GRIK5: variants seen among roughly 807,000 people sequenced by gnomAD.
The protein encoded by GRIK5 is glutamate ionotropic receptor kainate type subunit 5, also known as glutamate receptor ionotropic, kainate 5.
A neutral mutation model predicts 97.4 loss-of-function variants in GRIK5; 43 were observed. The observed-to-expected ratio is 0.44, with a 90% CI of 0.35 to 0.57. The LOEUF (loss-of-function observed/expected upper bound fraction) is 0.57. Ranked by LOEUF, GRIK5 falls within the 20% of genes least tolerant of loss-of-function variation. The pLI, the probability that GRIK5 is intolerant of heterozygous loss-of-function variation, is 0.01. For missense variants in GRIK5, 1,015 were observed against 1,382.0 expected, an observed-to-expected ratio of 0.73 and a Z score of 4.21; for synonymous variants, 580 against 583.5, an observed-to-expected ratio of 0.99 and a Z score of 0.09.
chr19:42,043,568 G>A (rs1276092806), intron 11 of GRIK5, among the ~76,000 whole-genome samples: 3 of 151,698 alleles, frequency 2.0e-5, no homozygotes, highest in Non-Finnish European at 2.9e-5. Flanking sequence ...CACCACGCCC[G>A]CCCAATTTTG....
rs2146200375 is a variant in GRIK5 at position 42,069,058 on chromosome 19, T to C, written c.-51+183A>G. 3 of 460,306 alleles carry C rather than the reference T, an allele frequency of 6.5e-6. No individual in the cohort carries two copies. In the South Asian group the frequency reaches 1.2e-4, roughly 18 times the overall value. The allele number at this position is 460,306 out of a possible 1,614,324, so 28.5% of individuals were successfully genotyped here. ...TGAGCTATGTACCCAGAAGAAGAGG[T>C]GAGAAGAGGTCGAGGTGAATGGACG... On this transcript the variant is annotated intron_variant, in intron 1 of 19. Transcript: ENST00000593562.
chr19:42,012,478 T>C (rs1264263653), intron 15 of GRIK5, among the ~76,000 whole-genome samples: 2 of 152,144 alleles, frequency 1.3e-5, no homozygotes, highest in Non-Finnish European at 2.9e-5. Context: ...CTAGAACCCC[T>C]GAGCTCAGGC....
At chr19:42,053,537 A>T in intron 11 of GRIK5, 65 bp downstream of exon 11, 5 of 954,470 alleles carry the variant, frequency 5.2e-6, no homozygotes, top group South Asian at 1.3e-5. Flanking sequence ...CCTCCACCTC[A>T]CGGTGGGAGC....
At chr19:42,063,292 T>G (rs2076285715) in intron 3 of GRIK5, 1 of 458,508 alleles carries the variant, frequency 2.2e-6, no homozygotes, top group Non-Finnish European at 4.4e-6. Context: ...ACTCTCCCAC[T>G]GCACTTACTT....
chr19:42,066,594 G>A (rs1008314659), intron 1 of GRIK5, among the ~76,000 whole-genome samples: 1 of 151,882 alleles, frequency 6.6e-6, no homozygotes, highest in Non-Finnish European at 1.5e-5. Context: ...AGAAATACAA[G>A]GGAAGAGAAA....
In GRIK5 at chr19:42,058,265, C is replaced by T. The variant is rs182482932; in HGVS notation, c.687+1084G>A. ...GTGCAATCTCAGCTCACTGCAAGCT[C>T]CACCTCCCGGGTTCAAGTGATTCTC... On this transcript the variant is annotated intron_variant, in intron 6 of 19. Transcript: ENST00000593562. Among the ~76,000 whole-genome samples the T allele has an allele frequency of 3.9e-3, 594 of 152,140 alleles. 1 individual carries two copies. The highest frequency in any genetic ancestry group is 6.2e-3 in the Non-Finnish European group (421 of 67,994).
intron 15 of GRIK5, among the ~76,000 whole-genome samples, chr19:42,007,255 C>T (rs1023559250): frequency 2.6e-5 from 4 of 151,982 alleles, no homozygotes; most frequent in East Asian, 1.9e-4. Context: ...CCATCACGCC[C>T]GGCTAATTTT....
intron 15 of GRIK5, among the ~76,000 whole-genome samples, chr19:42,016,351 G>A (rs975525058): frequency 6.6e-6 from 1 of 152,214 alleles, no homozygotes; most frequent in Non-Finnish European, 1.5e-5. Flanking sequence ...AACCCGGAAG[G>A]TGGAGGTTGC....
rs1222425405 is a variant in GRIK5, at chr19:42,003,782, C to T, written c.2264-99G>A. Reference sequence around the variant, plus strand: ...CCCTCACCACGGCCTTCCCCCGCCTCTACCACGTGCCCAGGGTCTTCCCTG... The same window carrying T: ...CCCTCACCACGGCCTTCCCCCGCCTTTACCACGTGCCCAGGGTCTTCCCTG... On this transcript the variant is annotated intron_variant, in intron 17 of 19. Coordinates refer to ENST00000593562, the MANE Select transcript of GRIK5 (RefSeq NM_002088.5). This position sits in a 1 kb window ranked among gnomAD's most constrained non-coding sequence, Gnocchi z 4.2. 1.5e-6 allele frequency: 2 copies of T among 1,326,360 alleles called. No homozygotes were observed. Among genetic ancestry groups the T allele is most frequent in the Admixed American group, 2.8e-5 (1 of 35,628 alleles). The allele number at this position is 1,326,360 out of a possible 1,614,324, so 82.2% of individuals were successfully genotyped here. A position where few individuals can be genotyped will look rare whatever the true frequency, so the allele number is the denominator to read the frequency against.
In GRIK5 at chr19:42,064,510, C is replaced by T. The variant is rs564175762; in HGVS notation, c.244+713G>A. 4.6e-5 allele frequency among the ~76,000 whole-genome samples: 7 copies of T among 152,218 alleles called. No individual in the cohort carries two copies. The South Asian group carries it at 6.2e-4, about 14-fold the overall frequency. On this transcript the variant is annotated intron_variant, in intron 3 of 19. Coordinates refer to ENST00000593562, the MANE Select transcript of GRIK5 (RefSeq NM_002088.5). ...AGACTCTAGGCACATGACTGGAATG[C>T]CATCTGCCTCCTCACCCTCCATCCC...
At chr19:42,054,556 C>T in intron 8 of GRIK5, 84 bp from the exon 9 acceptor site, 1 of 1,478,106 alleles carries the variant, frequency 6.8e-7, no homozygotes, top group Non-Finnish European at 9.2e-7. Context: ...CTGCCACCCT[C>T]AAACCCTCAA....
chr19:42,068,041 G>A (rs1379967488), intron 1 of GRIK5, among the ~76,000 whole-genome samples: 2 of 152,238 alleles, frequency 1.3e-5, no homozygotes, highest in Non-Finnish European at 2.9e-5. Flanking sequence ...CAAGACTTGG[G>A]AGAAGGAAAG....
rs1178315429 is a variant in GRIK5 at position 42,061,237 on chromosome 19, C to T, written c.508+1251G>A. Among the ~76,000 whole-genome samples the T allele has an allele frequency of 3.9e-5, 6 of 152,304 alleles. No homozygotes were observed. In the South Asian group the frequency reaches 1.0e-3, roughly 26 times the overall value. ...TAACTTTTTGTATTTTTAGTAGAGA[C>T]GGGGTTTCACCATTCACAGGATGGT... On this transcript the variant is annotated intron_variant, in intron 5 of 19. Coordinates refer to ENST00000593562, the MANE Select transcript of GRIK5 (RefSeq NM_002088.5).
chr19:42,013,134 G>T (rs961133964), intron 15 of GRIK5, among the ~76,000 whole-genome samples: 1 of 150,816 alleles, frequency 6.6e-6, no homozygotes. Context: ...CAGGAAGATC[G>T]CTTGAGGCCA....
At position 42,003,305 on chromosome 19, in the gene GRIK5, G is replaced by GGCCCCCCC; in HGVS notation, c.2514+26_2514+27insGGGGGGGC. 407 of 1,540,430 alleles carry GGCCCCCCC rather than the reference G, an allele frequency of 2.6e-4. No individual in the cohort carries two copies. Among genetic ancestry groups the GGCCCCCCC allele is most frequent in the Non-Finnish European group, 3.4e-4 (376 of 1,117,920 alleles). Reference sequence around the variant, plus strand: ...TCAGCCCCTGGGGGTCCCTGTTCCTGCCCACCCCCACCCCCAGCCTCCTCA... The same window carrying GGCCCCCCC: ...TCAGCCCCTGGGGGTCCCTGTTCCTGGCCCCCCCCCCACCCCCACCCCCAGCCTCCTCA... On this transcript the variant is annotated intron_variant, in intron 19 of 19. Transcript: ENST00000593562. This position sits in a 1 kb window ranked among gnomAD's most constrained non-coding sequence, Gnocchi z 4.2.
chr19:42,069,915 G>A lies in GRIK5; in HGVS notation c.-725C>T, dbSNP rs762215286. ...CTGGGAGACCCGGAGAGGCCAAGAA[G>A]GGGGCAAATGAGGTGGAGAGATAGG... On this transcript the variant is annotated 5_prime_UTR_variant, in exon 1 of 20. Transcript: ENST00000593562. Among the ~76,000 whole-genome samples, 110 of 152,256 alleles carry A rather than the reference G, an allele frequency of 7.2e-4. No individual in the cohort carries two copies. Among genetic ancestry groups the A allele is most frequent in the Non-Finnish European group, 1.1e-3 (76 of 67,986 alleles).
chr19:42,035,101 C>G (rs1294659741), intron 12 of GRIK5, among the ~76,000 whole-genome samples: 2 of 152,148 alleles, frequency 1.3e-5, no homozygotes, highest in Non-Finnish European at 2.9e-5. Context: ...GCCTCAGCCC[C>G]CTGAGTAGCT....
At chr19:42,061,557 A>G (rs1193587646) in intron 5 of GRIK5, among the ~76,000 whole-genome samples, 1 of 152,178 alleles carries the variant, frequency 6.6e-6, no homozygotes, top group East Asian at 1.9e-4. Context: ...CTCCATACCC[A>G]CAAATCCACC....
chr19:42,010,421 G>C (rs1173546441), intron 15 of GRIK5, among the ~76,000 whole-genome samples: 1 of 152,150 alleles, frequency 6.6e-6, no homozygotes, highest in African/African-American at 2.4e-5. Context: ...CTTAAAAGCA[G>C]CTAGAAGGGG....
Sources: gnomAD v4.1 joint callset for allele counts (sites outside exome capture counted in the v4.1 genomes callset) on GRCh38, gnomAD v4.1.1 for gene constraint, Gnocchi (gnomAD v3.1) non-coding constraint, MANE v1.5 for transcripts, NCBI Gene and HGNC (gene_info 2026-07-23, HGNC 2026-07-21) for gene names.